RALYL: variants seen among roughly 807,000 people sequenced by gnomAD.
The protein encoded by RALYL is RNA-binding Raly-like protein.
A neutral mutation model predicts 35.1 loss-of-function variants in RALYL; 29 were observed. The observed-to-expected ratio is 0.83, with a 90% CI of 0.61 to 1.13. RALYL has a LOEUF of 1.13. RALYL is among the 50% of genes most tolerant of loss of function. The pLI, the probability that RALYL is intolerant of heterozygous loss-of-function variation, is 0.00. For missense variants in RALYL, 359 were observed against 360.4 expected (o/e 1.00, Z 0.03); for synonymous variants, 120 against 127.6 (o/e 0.94, Z 0.40).
intron 1 of RALYL, among the ~76,000 whole-genome samples, chr8:84,378,356 T>G (rs531366948): frequency 3.5e-4 from 53 of 152,062 alleles, no homozygotes; most frequent in African/African-American, 1.3e-3. Context: ...AGACAAACTC[T>G]TATTTCCAAA....
chr8:84,509,924 T>C (rs1318128095), intron 1 of RALYL, among the ~76,000 whole-genome samples: 1 of 152,216 alleles, frequency 6.6e-6, no homozygotes, highest in Non-Finnish European at 1.5e-5. Flanking sequence ...TAGCTTTATA[T>C]TGAGTCTCAA....
chr8:84,475,499 A>C (rs1167822166), intron 1 of RALYL, among the ~76,000 whole-genome samples: 1 of 152,222 alleles, frequency 6.6e-6, no homozygotes, highest in Non-Finnish European at 1.5e-5. Flanking sequence ...GCAGATTAGA[A>C]AACTCTAATA....
intron 1 of RALYL, among the ~76,000 whole-genome samples, chr8:84,453,239 G>GAT (rs2049721769): frequency 6.6e-6 from 1 of 151,756 alleles, no homozygotes; most frequent in South Asian, 2.1e-4. Flanking sequence ...TATAATTAGA[G>GAT]CTCTTGGCTA....
intron 1 of RALYL, among the ~76,000 whole-genome samples, chr8:84,394,820 A>G (rs779950323): frequency 9.2e-5 from 14 of 151,922 alleles, no homozygotes; most frequent in Non-Finnish European, 1.8e-4. Context: ...ATTTTTTCCC[A>G]AGTTCACAAT....
rs554672626 is a variant in RALYL at position 84,219,492 on chromosome 8, T to A, written c.-24+35068T>A. On this transcript the variant is annotated intron_variant, in intron 1 of 8. Coordinates refer to ENST00000521268, the MANE Select transcript of RALYL (RefSeq NM_173848.7). ...TGTGAAAATTGACTAATATATGTAT[T>A]AATAATTTATACATTTTGTTTTTGT... Among the ~76,000 whole-genome samples the A allele has an allele frequency of 5.9e-5, 9 of 152,142 alleles. 1 individual carries two copies. The South Asian group carries it at 1.9e-3, about 32-fold the overall frequency.
rs191507747 is a variant in RALYL at position 84,525,807 on chromosome 8, C to T, written c.-23-3492C>T. ...TTACAGTTTTTATCTTTAAAAGTCC[C>T]ATTTGATTCATTTTTTAACATCTTT... On this transcript the variant is annotated intron_variant, in intron 1 of 8. Transcript: ENST00000521268. Among the ~76,000 whole-genome samples the T allele has an allele frequency of 1.3e-3, 204 of 152,006 alleles. 1 individual carries two copies. The East Asian group carries it at 0.036, about 27-fold the overall frequency.
At chr8:84,871,291 A>C (rs1586880368) in intron 6 of RALYL, among the ~76,000 whole-genome samples, 1 of 152,118 alleles carries the variant, frequency 6.6e-6, no homozygotes, top group East Asian at 1.9e-4. Flanking sequence ...GTTTCAATAA[A>C]GTGGAGTAGT....
At chr8:84,780,222 C>A (rs920915776) in intron 3 of RALYL, among the ~76,000 whole-genome samples, 11 of 152,098 alleles carry the variant, frequency 7.2e-5, no homozygotes, top group Admixed American at 2.0e-4. Context: ...TTTCTCCTAC[C>A]CGCCATATTA....
intron 2 of RALYL, among the ~76,000 whole-genome samples, chr8:84,537,110 C>T (rs945401190): frequency 4.7e-5 from 7 of 148,228 alleles, no homozygotes; most frequent in African/African-American, 1.7e-4. Flanking sequence ...AGGGTGTATA[C>T]GTGCACATGT....
At chr8:84,640,596 T>C (rs1168695991) in intron 2 of RALYL, among the ~76,000 whole-genome samples, 6 of 151,828 alleles carry the variant, frequency 4.0e-5, no homozygotes, top group African/African-American at 1.5e-4. Context: ...GAGGAAAACA[T>C]TGCTTTTCTA....
At chr8:84,376,703 G>A (rs1244306032) in intron 1 of RALYL, among the ~76,000 whole-genome samples, 1 of 151,864 alleles carries the variant, frequency 6.6e-6, no homozygotes, top group African/African-American at 2.4e-5. Flanking sequence ...AGGACTCCCT[G>A]CAGATTCTCT....
intron 2 of RALYL, among the ~76,000 whole-genome samples, chr8:84,617,073 A>G (rs181150819): frequency 0.27 from 40,373 of 147,990 alleles, 6,206 homozygotes; most frequent in African/African-American, 0.39. Flanking sequence ...TCGGTGATGC[A>G]GGCTCTTTTT....
intron 1 of RALYL, among the ~76,000 whole-genome samples, chr8:84,247,312 T>G (rs557682300): frequency 6.6e-6 from 1 of 152,290 alleles, no homozygotes; most frequent in East Asian, 1.9e-4. Flanking sequence ...TGGTGTTTCT[T>G]TATCATTCTT....
intron 5 of RALYL, among the ~76,000 whole-genome samples, chr8:84,857,908 G>A (rs935517889): frequency 1.3e-5 from 2 of 151,872 alleles, no homozygotes; most frequent in African/African-American, 4.8e-5. Context: ...ATAATAACAA[G>A]TTCTTTTTTA....
At chr8:84,392,859 G>T (rs553944063) in intron 1 of RALYL, among the ~76,000 whole-genome samples, 1 of 152,018 alleles carries the variant, frequency 6.6e-6, no homozygotes, top group Non-Finnish European at 1.5e-5. Context: ...AGATAGTACT[G>T]TGGTAGACAA....
chr8:84,831,228 C>A (rs890498696), intron 4 of RALYL, among the ~76,000 whole-genome samples: 5 of 151,988 alleles, frequency 3.3e-5, no homozygotes, highest in Admixed American at 1.3e-4. Context: ...GTAAAGAAAT[C>A]TATAGGAATC....
chr8:84,271,250 C>T (rs76858821), intron 1 of RALYL, among the ~76,000 whole-genome samples: 2,882 of 151,134 alleles, frequency 0.019, 42 homozygotes, highest in South Asian at 0.031. Flanking sequence ...TTGAATAGAC[C>T]TAACAAAAAT....
chr8:84,211,033 G>A (rs956362086), intron 1 of RALYL, among the ~76,000 whole-genome samples: 1 of 151,820 alleles, frequency 6.6e-6, no homozygotes, highest in Non-Finnish European at 1.5e-5. Flanking sequence ...AAAAAACATC[G>A]CCAATTCCTG....
chr8:84,292,954 G>T (rs191798861), intron 1 of RALYL, among the ~76,000 whole-genome samples: 1 of 152,156 alleles, frequency 6.6e-6, no homozygotes, highest in Admixed American at 6.5e-5. Context: ...AATCTCCAGT[G>T]AAATAACTCC....
Sources: gnomAD v4.1 joint callset for allele counts (sites outside exome capture counted in the v4.1 genomes callset) on GRCh38, gnomAD v4.1.1 for gene constraint, MANE v1.5 for transcripts, NCBI Gene and HGNC (gene_info 2026-07-23, HGNC 2026-07-21) for gene names.